The following PYY variants were observed in gnomAD, a reference collection of about 807,000 sequenced individuals.
PYY encodes the protein peptide YY.
A neutral mutation model predicts 10.3 loss-of-function variants in PYY; 12 were observed. That is an observed-to-expected ratio of 1.17 (90% confidence interval 0.75 to 1.89). The LOEUF (loss-of-function observed/expected upper bound fraction) is 1.89. Among genes scored for constraint, PYY ranks in the 40% most tolerant of loss-of-function variants. The probability of loss-of-function intolerance (pLI) is 0.00; values close to 1 mark genes in which losing one functional copy is unlikely to be tolerated. For missense variants in PYY, 141 were observed against 134.0 expected (o/e 1.05, Z -0.26); for synonymous variants, 66 against 62.0 (o/e 1.06, Z -0.30).
At chr17:43,976,738 C>T (rs2048851588) in intron 1 of PYY, among the ~76,000 whole-genome samples, 1 of 152,180 alleles carries the variant, frequency 6.6e-6, no homozygotes, top group African/African-American at 2.4e-5. Flanking sequence ...CGCCACTGCA[C>T]TCCAGCCTCA....
At chr17:44,002,724 C>A (rs1363722476) in intron 1 of PYY, among the ~76,000 whole-genome samples, 6 of 152,212 alleles carry the variant, frequency 3.9e-5, no homozygotes, top group Non-Finnish European at 7.3e-5. Context: ...TGACCCTGAT[C>A]CTCACATATT....
At chr17:43,989,674 C>T (rs1302250890) in intron 1 of PYY, among the ~76,000 whole-genome samples, 2 of 151,044 alleles carry the variant, frequency 1.3e-5, no homozygotes, top group Admixed American at 6.6e-5. Flanking sequence ...AGCATGGTGG[C>T]TCCACACCTA....
chr17:43,983,873 C>G (rs2048898709), intron 1 of PYY, among the ~76,000 whole-genome samples: 1 of 152,206 alleles, frequency 6.6e-6, no homozygotes, highest in South Asian at 2.1e-4. Context: ...GCGCAGGGGC[C>G]GCGTGTCCGG....
chr17:43,980,456 G>A (rs984649126), intron 1 of PYY, among the ~76,000 whole-genome samples: 2 of 148,250 alleles, frequency 1.3e-5, no homozygotes, highest in Non-Finnish European at 3.0e-5. Flanking sequence ...GAGCCACCAT[G>A]CCTGGACTTT....
At chr17:43,998,245 ATT>A (rs34211722) in intron 1 of PYY, among the ~76,000 whole-genome samples, 418 of 146,932 alleles carry the variant, frequency 2.8e-3, no homozygotes, top group African/African-American at 3.8e-3. Context: ...GAACCCACAG[ATT>A]TTTTTTTTTT....
intron 1 of PYY, among the ~76,000 whole-genome samples, chr17:43,986,439 A>G (rs1439715520): frequency 6.6e-6 from 1 of 152,132 alleles, no homozygotes; most frequent in Admixed American, 6.5e-5. Flanking sequence ...TGTGCACCCC[A>G]AGACTGGGTC....
chr17:43,965,737 G>A (rs1249432297), intron 2 of PYY, among the ~76,000 whole-genome samples: 14 of 120,836 alleles, frequency 1.2e-4, no homozygotes, highest in Admixed American at 2.3e-4. Context: ...TCAGTGAGCC[G>A]AGATCATGCC....
chr17:43,967,817 A>AT (rs1457354924), intron 1 of PYY, among the ~76,000 whole-genome samples: 1 of 152,026 alleles, frequency 6.6e-6, no homozygotes, highest in African/African-American at 2.4e-5. Flanking sequence ...TGAGTTTCTC[A>AT]TTTTTCCTCT....
intron 2 of PYY, among the ~76,000 whole-genome samples, chr17:43,964,236 G>A (rs1203760680): frequency 6.6e-6 from 1 of 152,090 alleles, no homozygotes; most frequent in Non-Finnish European, 1.5e-5. Context: ...GCCCAGGCTG[G>A]TCTAAATTTC....
intron 1 of PYY, among the ~76,000 whole-genome samples, chr17:43,985,004 T>C (rs2048907153): frequency 6.6e-6 from 1 of 152,122 alleles, no homozygotes; most frequent in African/African-American, 2.4e-5. Flanking sequence ...AAAAGAAATA[T>C]AAAGGAAAGG....
chr17:43,978,645 C>T (rs951100579), intron 1 of PYY, among the ~76,000 whole-genome samples: 1 of 152,168 alleles, frequency 6.6e-6, no homozygotes, highest in Admixed American at 6.6e-5. Flanking sequence ...TACACCCCCA[C>T]CCCAGTTTGG....
intron 1 of PYY, among the ~76,000 whole-genome samples, chr17:43,983,129 G>A (rs548488185): frequency 6.6e-6 from 1 of 152,324 alleles, no homozygotes; most frequent in East Asian, 1.9e-4. Context: ...CTACTTGGGT[G>A]GCTGAGGCAG....
rs199608462 is a variant in PYY at position 43,953,168 on chromosome 17, C to T, written c.210G>A (p.Pro70=). The T allele has an allele frequency of 9.9e-5, 159 of 1,613,778 alleles. No individual in the cohort carries two copies. The highest frequency in any genetic ancestry group is 8.5e-6 in the Non-Finnish European group (10 of 1,179,812). Residue 70 remains proline (P), a synonymous_variant, in exon 3 of 4, where the codon CCG becomes CCA. Transcript: ENST00000692052. ...AGAACGTTTTGGAAAGAAGCGTGTC[C>T]GGGCCGTCTCTTTTCCCATACCTGG... ...TRQRYGKRDG[P]DTLLSKTFFP...
chr17:43,953,592 C>T, intron 1 of PYY, 109 bp from the exon 2 acceptor site: 1 of 1,096,936 alleles, frequency 9.1e-7, no homozygotes, highest in Non-Finnish European at 1.3e-6. Flanking sequence ...GGGGCTGGTA[C>T]CGGACCAAGG....
intron 1 of PYY, among the ~76,000 whole-genome samples, chr17:44,002,352 A>T (rs970949662): frequency 2.6e-5 from 4 of 152,196 alleles, no homozygotes; most frequent in African/African-American, 9.6e-5. Context: ...GGACTCCAGC[A>T]TGGGGAGACA....
In PYY at chr17:43,976,476, T is replaced by C. The variant is rs75403905; in HGVS notation, c.-462-9944A>G. Among the ~76,000 whole-genome samples the C allele has an allele frequency of 2.0e-3, 221 of 110,132 alleles. 2 individuals are homozygous for C. The East Asian group carries it at 0.044, about 22-fold the overall frequency. 72.3% of individuals were successfully genotyped at this position (110,132 alleles called of 152,430 possible). On this transcript the variant is annotated intron_variant, in intron 1 of 6. Transcript: ENST00000360085. ...ATACATATATATACACACACACACA[T>C]ATATATATATGCCAGCCACGTGTGG...
intron 1 of PYY, among the ~76,000 whole-genome samples, chr17:43,977,616 T>A (rs1425035705): frequency 3.3e-5 from 5 of 152,196 alleles, no homozygotes; most frequent in Middle Eastern, 3.4e-3. Context: ...TTCTCCTGCT[T>A]ACCTTCACCC....
chr17:43,976,212 T>C (rs12947216), intron 1 of PYY, among the ~76,000 whole-genome samples: 4 of 129,836 alleles, frequency 3.1e-5, no homozygotes, highest in Non-Finnish European at 4.8e-5. Context: ...TACATATACG[T>C]ATATGTATAC....
intron 1 of PYY, among the ~76,000 whole-genome samples, chr17:43,975,100 G>A (rs1045496198): frequency 4.6e-5 from 7 of 152,150 alleles, no homozygotes; most frequent in African/African-American, 1.7e-4. Context: ...AGATTGTGCT[G>A]TGTGCCTTGC....
Sources: gnomAD v4.1 joint callset for allele counts (sites outside exome capture counted in the v4.1 genomes callset) on GRCh38, gnomAD v4.1.1 for gene constraint, MANE v1.5 for transcripts, NCBI Gene and HGNC (gene_info 2026-07-23, HGNC 2026-07-21) for gene names.